TAFA1: variants seen among roughly 807,000 people sequenced by gnomAD.
TAFA1 encodes TAFA chemokine like family member 1.
A neutral mutation model predicts 18.5 loss-of-function variants in TAFA1; 4 were observed. The ratio of observed to expected loss-of-function variants is 0.22; its 90% CI spans 0.11 to 0.49. The LOEUF (loss-of-function observed/expected upper bound fraction) is 0.49. TAFA1 is among the 20% of genes least tolerant of loss of function. The pLI, the probability that TAFA1 is intolerant of heterozygous loss-of-function variation, is 0.98. For missense variants in TAFA1, 147 were observed against 169.0 expected (o/e 0.87, Z 0.72); for synonymous variants, 56 against 55.2 (o/e 1.01, Z -0.06).
At chr3:68,415,443 G>A (rs533167852) in intron 2 of TAFA1, among the ~76,000 whole-genome samples, 8 of 152,312 alleles carry the variant, frequency 5.3e-5, no homozygotes, top group Non-Finnish European at 1.0e-4. Context: ...TGACCTTTGA[G>A]TTGAGCTCTA....
chr3:68,183,225 T>G (rs1292575489), intron 2 of TAFA1, among the ~76,000 whole-genome samples: 1 of 152,152 alleles, frequency 6.6e-6, no homozygotes, highest in East Asian at 1.9e-4. Context: ...CCACTTATTG[T>G]GCATCAAGTA....
At chr3:68,435,623 T>G (rs978782307) in intron 3 of TAFA1, among the ~76,000 whole-genome samples, 1 of 152,198 alleles carries the variant, frequency 6.6e-6, no homozygotes, top group African/African-American at 2.4e-5. Flanking sequence ...GCTCTGATAT[T>G]TAGGGTAACA....
At chr3:68,209,551 A>T (rs898424495) in intron 2 of TAFA1, among the ~76,000 whole-genome samples, 3 of 152,016 alleles carry the variant, frequency 2.0e-5, no homozygotes, top group African/African-American at 7.2e-5. Flanking sequence ...TAACCAGTTT[A>T]TTTGCTGTCT....
At chr3:68,331,392 A>C (rs752371185) in intron 2 of TAFA1, among the ~76,000 whole-genome samples, 2 of 152,330 alleles carry the variant, frequency 1.3e-5, no homozygotes, top group African/African-American at 4.8e-5. Context: ...CTGTGAATGT[A>C]CTAAATGCCA....
At chr3:68,031,085 A>G (rs1012268343) in intron 2 of TAFA1, among the ~76,000 whole-genome samples, 1 of 152,144 alleles carries the variant, frequency 6.6e-6, no homozygotes, top group Non-Finnish European at 1.5e-5. Flanking sequence ...AAGTTTTGGG[A>G]TTGTTTCCTA....
chr3:68,191,538 C>T (rs575974280), intron 2 of TAFA1, among the ~76,000 whole-genome samples: 1 of 151,872 alleles, frequency 6.6e-6, no homozygotes, highest in South Asian at 2.1e-4. Context: ...GGCTTTAGTA[C>T]ATACCTGTAG....
rs568383711 is a variant in TAFA1, at chr3:68,337,641, G to A, written c.119-79639G>A. ...ACCTGCAAAAGCTTCCTGTGTCCCT[G>A]TGTTATTCTGTTTTTTGTTTTGTGT... On this transcript the variant is annotated intron_variant, in intron 2 of 4. Transcript: ENST00000478136. Among the ~76,000 whole-genome samples, 7 of 152,258 alleles carry A rather than the reference G, an allele frequency of 4.6e-5. No homozygotes were observed. In the South Asian group the frequency reaches 1.0e-3, roughly 23 times the overall value.
At chr3:68,078,101 GCTCT>G (rs1321431584) in intron 2 of TAFA1, among the ~76,000 whole-genome samples, 4 of 151,638 alleles carry the variant, frequency 2.6e-5, no homozygotes, top group Non-Finnish European at 5.9e-5. Context: ...TCATGATTTG[GCTCT>G]CTGTTTGTCT....
At chr3:68,050,938 G>T (rs868684456) in intron 2 of TAFA1, among the ~76,000 whole-genome samples, 6 of 152,180 alleles carry the variant, frequency 3.9e-5, no homozygotes, top group Admixed American at 1.3e-4. Context: ...ATAAGCCAAA[G>T]TATCTTTTCC....
At chr3:68,188,418 AT>A (rs777184196) in intron 2 of TAFA1, among the ~76,000 whole-genome samples, 3 of 150,870 alleles carry the variant, frequency 2.0e-5, no homozygotes, top group Non-Finnish European at 4.4e-5. Context: ...TTTCTTAGCT[AT>A]CTTTCTAAAT....
In TAFA1 at chr3:68,249,602, C is replaced by T. The variant is rs558470012; in HGVS notation, c.119-167678C>T. 2.0e-5 allele frequency among the ~76,000 whole-genome samples: 3 copies of T among 152,076 alleles called. No homozygotes were observed. In the South Asian group the frequency reaches 6.3e-4, roughly 32 times the overall value. ...TCAGGAGGCAAAAAAAACTTGGGTA[C>T]CCTCCACCACCAATCTACCAAATCT... On this transcript the variant is annotated intron_variant, in intron 2 of 4. Transcript: ENST00000478136.
intron 2 of TAFA1, among the ~76,000 whole-genome samples, chr3:68,334,443 G>C (rs2068936456): frequency 6.6e-6 from 1 of 152,084 alleles, no homozygotes; most frequent in Non-Finnish European, 1.5e-5. Flanking sequence ...TGAACAGTAG[G>C]GAAAGCTAGA....
chr3:68,080,368 G>C (rs2064881213), intron 2 of TAFA1, among the ~76,000 whole-genome samples: 1 of 151,378 alleles, frequency 6.6e-6, no homozygotes, highest in African/African-American at 2.4e-5. Context: ...GAGGTTAGCT[G>C]GTTATTTTGC....
intron 2 of TAFA1, among the ~76,000 whole-genome samples, chr3:68,406,804 G>A (rs1259792727): frequency 1.3e-5 from 2 of 152,146 alleles, no homozygotes; most frequent in African/African-American, 2.4e-5. Context: ...CATCCTTGTT[G>A]GGAGAGAGTA....
At chr3:68,185,173 A>T (rs1176238223) in intron 2 of TAFA1, among the ~76,000 whole-genome samples, 1 of 152,138 alleles carries the variant, frequency 6.6e-6, no homozygotes, top group African/African-American at 2.4e-5. Context: ...CAAGAAGGGT[A>T]TTCCTGAGGA....
intron 2 of TAFA1, among the ~76,000 whole-genome samples, chr3:68,366,085 CAAAAA>C (rs35861602): frequency 2.1e-5 from 2 of 93,850 alleles, no homozygotes; most frequent in South Asian, 4.0e-4. Flanking sequence ...GACTCCATCT[CAAAAA>C]AAAAAAAAAA....
chr3:68,485,186 A>G (rs944790847), intron 3 of TAFA1, among the ~76,000 whole-genome samples: 1 of 152,152 alleles, frequency 6.6e-6, no homozygotes, highest in African/African-American at 2.4e-5. Context: ...ACAGGCTACA[A>G]AATCTCTCTT....
chr3:67,992,307 T>C, the TAFA1 span, among the ~76,000 whole-genome samples: 1 of 152,326 alleles, frequency 6.6e-6, no homozygotes, highest in South Asian at 2.1e-4. Context: ...AACTGAAACA[T>C]CTATTTGGCA....
At chr3:68,082,596 C>G (rs1334627136) in intron 2 of TAFA1, among the ~76,000 whole-genome samples, 1 of 152,186 alleles carries the variant, frequency 6.6e-6, no homozygotes, top group African/African-American at 2.4e-5. Context: ...TGTTTGAGCA[C>G]TGAAAGAGTT....
Sources: allele counts gnomAD v4.1 joint callset (sites outside exome capture counted in the v4.1 genomes callset), GRCh38; gene constraint gnomAD v4.1.1; transcripts MANE v1.5; gene names NCBI Gene and HGNC (gene_info 2026-07-23, HGNC 2026-07-21).